Variants in NWD2 observed in about 807,000 individuals in gnomAD.
NWD2 encodes the protein NACHT and WD repeat domain containing 2, also known as NACHT and WD repeat domain-containing protein 2.
NWD2 carries 37 observed loss-of-function variants against 132.7 expected under a neutral mutation model. The ratio of observed to expected loss-of-function variants is 0.28; its 90% CI spans 0.21 to 0.37. NWD2 has a LOEUF of 0.37. NWD2 is among the 10% of genes least tolerant of loss of function. NWD2 has a pLI of 1.00. For missense variants in NWD2, 1,592 were observed against 2,122.4 expected (o/e 0.75, Z 4.91); for synonymous variants, 705 against 803.0 (o/e 0.88, Z 2.06).
chr4:37,424,336 T>C (rs766324425), intron 3 of NWD2, among the ~76,000 whole-genome samples: 1 of 152,124 alleles, frequency 6.6e-6, no homozygotes, highest in Non-Finnish European at 1.5e-5. Context: ...ATGGGGTTAT[T>C]AAATTTAAAG....
intron 2 of NWD2, among the ~76,000 whole-genome samples, chr4:37,339,846 A>T (rs949511907): frequency 3.3e-5 from 5 of 151,756 alleles, no homozygotes; most frequent in African/African-American, 7.3e-5. Context: ...TCCTCCCACC[A>T]TTCTGTCTCC....
chr4:37,294,766 T>A (rs955398814), intron 1 of NWD2, among the ~76,000 whole-genome samples: 1 of 152,194 alleles, frequency 6.6e-6, no homozygotes, highest in African/African-American at 2.4e-5. Context: ...TAAGCAAAAA[T>A]TAGTCATAGA....
chr4:37,407,696 G>A (rs1164121676), intron 3 of NWD2, among the ~76,000 whole-genome samples: 1 of 152,238 alleles, frequency 6.6e-6, no homozygotes, highest in Non-Finnish European at 1.5e-5. Flanking sequence ...GGAACTAAAT[G>A]TAGACAAAGT....
chr4:37,329,395 G>A (rs1284719000), intron 2 of NWD2, among the ~76,000 whole-genome samples: 2 of 152,164 alleles, frequency 1.3e-5, no homozygotes, highest in African/African-American at 4.8e-5. Flanking sequence ...TAGGGTTAGG[G>A]CATGCCAGGT....
At chr4:37,361,116 A>G (rs777046320) in intron 3 of NWD2, among the ~76,000 whole-genome samples, 2 of 152,172 alleles carry the variant, frequency 1.3e-5, no homozygotes, top group African/African-American at 2.4e-5. Context: ...CAACCTCCCA[A>G]TATTGAACAA....
Position 37,446,037 on chromosome 4 carries a change from T to A in NWD2, c.4049T>A (p.Ile1350Asn). The A allele has an allele frequency of 1.3e-6, 2 of 1,551,748 alleles. No individual in the cohort carries two copies. Among genetic ancestry groups the A allele is most frequent in the Non-Finnish European group, 8.7e-7 (1 of 1,146,984 alleles). Residue 1350 changes from isoleucine to asparagine, a missense_variant, in exon 7 of 7, where the codon ATC becomes AAC. This residue lies in a region of NWD2 where 1,071 missense variants were observed against 1,398.0 expected (regional missense o/e 0.77). Coordinates refer to ENST00000309447, the MANE Select transcript of NWD2 (RefSeq NM_001144990.2). The surrounding 1 kb of genome is among the most constrained non-coding windows in gnomAD (Gnocchi z 6.7). ...VHKWNFSSGF[I>N]EAVFKHEGIV... ...AAGTGGAACTTCAGCAGTGGCTTCATCGAAGCAGTATTCAAGCATGAAGGA... is the reference window on the plus strand; with the variant it reads ...AAGTGGAACTTCAGCAGTGGCTTCAACGAAGCAGTATTCAAGCATGAAGGA...
intron 1 of NWD2, among the ~76,000 whole-genome samples, chr4:37,310,319 T>C (rs934852498): frequency 6.6e-6 from 1 of 152,198 alleles, no homozygotes; most frequent in East Asian, 1.9e-4. Context: ...ATGCAAAATT[T>C]CCATTGTTTT....
At chr4:37,327,420 A>G (rs966787015) in intron 2 of NWD2, among the ~76,000 whole-genome samples, 8 of 152,176 alleles carry the variant, frequency 5.3e-5, no homozygotes, top group African/African-American at 1.9e-4. Flanking sequence ...ATAAATTGAC[A>G]GGATTATTCT....
intron 1 of NWD2, among the ~76,000 whole-genome samples, chr4:37,290,913 GA>G (rs1240540067): frequency 7.2e-5 from 11 of 152,302 alleles, no homozygotes; most frequent in Admixed American, 4.6e-4. Context: ...GCAGTTCTGA[GA>G]GGTGTAGAGT....
At chr4:37,255,481 G>C (rs891310142) in intron 1 of NWD2, among the ~76,000 whole-genome samples, 1 of 152,144 alleles carries the variant, frequency 6.6e-6, no homozygotes, top group African/African-American at 2.4e-5. Flanking sequence ...GAATCTGAAG[G>C]GTTACCCAGT....
chr4:37,311,578 G>T (rs561292424), intron 1 of NWD2, among the ~76,000 whole-genome samples: 1 of 149,116 alleles, frequency 6.7e-6, no homozygotes, highest in East Asian at 2.0e-4. Flanking sequence ...CTCCCATTTT[G>T]TAGGTTGCCT....
intron 3 of NWD2, among the ~76,000 whole-genome samples, chr4:37,406,451 G>A (rs1721044778): frequency 1.3e-5 from 2 of 152,118 alleles, no homozygotes; most frequent in Non-Finnish European, 1.5e-5. Flanking sequence ...TACACCCAAA[G>A]GATTATAAAT....
At chr4:37,277,025 C>T (rs1718032571) in intron 1 of NWD2, among the ~76,000 whole-genome samples, 1 of 151,824 alleles carries the variant, frequency 6.6e-6, no homozygotes, top group African/African-American at 2.4e-5. Context: ...AGAAGATATA[C>T]CTAGTGTTGA....
chr4:37,277,656 TC>T (rs1396679630), intron 1 of NWD2, among the ~76,000 whole-genome samples: 2 of 152,098 alleles, frequency 1.3e-5, no homozygotes, highest in Non-Finnish European at 2.9e-5. Context: ...AAAAATGGTT[TC>T]CTTTTTTTTA....
At chr4:37,247,402 G>A (rs1717266115) in intron 1 of NWD2, among the ~76,000 whole-genome samples, 1 of 152,152 alleles carries the variant, frequency 6.6e-6, no homozygotes, top group Admixed American at 6.5e-5. Context: ...TTAAGACAAA[G>A]AACATTATCT....
intron 1 of NWD2, among the ~76,000 whole-genome samples, chr4:37,292,638 CAT>C (rs1177714034): frequency 2.0e-5 from 3 of 152,070 alleles, no homozygotes; most frequent in African/African-American, 7.2e-5. Context: ...GGAATCCTGA[CAT>C]ATGTGGAGAT....
intron 1 of NWD2, among the ~76,000 whole-genome samples, chr4:37,273,464 T>A (rs1322878267): frequency 6.6e-6 from 1 of 151,996 alleles, no homozygotes; most frequent in Non-Finnish European, 1.5e-5. Flanking sequence ...AGATTTAGAC[T>A]CCCACACAAT....
intron 1 of NWD2, among the ~76,000 whole-genome samples, chr4:37,263,590 T>G (rs1717692350): frequency 1.3e-5 from 2 of 152,184 alleles, no homozygotes; most frequent in Non-Finnish European, 2.9e-5. Context: ...GCTAGTGAGA[T>G]AATGTATTGA....
intron 1 of NWD2, among the ~76,000 whole-genome samples, chr4:37,292,020 C>G (rs973159615): frequency 6.6e-6 from 1 of 152,000 alleles, no homozygotes; most frequent in Non-Finnish European, 1.5e-5. Flanking sequence ...ATTATCTGAA[C>G]AGGGCCACAC....
Sources: allele counts gnomAD v4.1 joint callset (sites outside exome capture counted in the v4.1 genomes callset), GRCh38; gene constraint gnomAD v4.1.1; regional missense constraint gnomAD v4.1.1; non-coding constraint Gnocchi (gnomAD v3.1); transcripts MANE v1.5; gene names NCBI Gene and HGNC (gene_info 2026-07-23, HGNC 2026-07-21).